The following HBS1L variants were observed in gnomAD, a reference collection of about 807,000 sequenced individuals.
The protein encoded by HBS1L is HBS1 like translational GTPase, also known as HBS1-like protein.
HBS1L carries 55 observed loss-of-function variants against 88.9 expected under a neutral mutation model. The observed-to-expected ratio is 0.62, with a 90% confidence interval of 0.50 to 0.77. The LOEUF (loss-of-function observed/expected upper bound fraction) is 0.77, where lower values mean the gene tolerates loss of function less well. Ranked by LOEUF, HBS1L falls within the 30% of genes least tolerant of loss-of-function variation. HBS1L has a pLI of 0.00. For synonymous variants in HBS1L, 267 were observed against 288.5 expected, an observed-to-expected ratio of 0.93 and a Z score of 0.76; for missense variants, 741 against 829.3, an observed-to-expected ratio of 0.89 and a Z score of 1.31.
At chr6:135,035,047 T>C (rs1022260544) in intron 4 of HBS1L, among the ~76,000 whole-genome samples, 1 of 152,218 alleles carries the variant, frequency 6.6e-6, no homozygotes, top group Non-Finnish European at 1.5e-5. Flanking sequence ...ACATAATTAT[T>C]CTACTGATTA....
At chr6:134,990,440 C>T (rs1382446271) in intron 8 of HBS1L, among the ~76,000 whole-genome samples, 2 of 152,204 alleles carry the variant, frequency 1.3e-5, no homozygotes, top group African/African-American at 4.8e-5. Context: ...TCCCCAAAGC[C>T]CACTGCAATA....
At chr6:134,989,214 T>A (rs1426922238) in intron 8 of HBS1L, among the ~76,000 whole-genome samples, 3 of 152,244 alleles carry the variant, frequency 2.0e-5, no homozygotes, top group Non-Finnish European at 4.4e-5. Flanking sequence ...TTCATTCTTA[T>A]CAATTATTTC....
At chr6:135,038,150 C>G in intron 4 of HBS1L, 1 of 712,238 alleles carries the variant, frequency 1.4e-6, no homozygotes, top group Non-Finnish European at 2.2e-6. Flanking sequence ...TTGATTATGA[C>G]ATGAATAAAG....
At chr6:135,016,336 T>C (rs1439648653) in intron 4 of HBS1L, among the ~76,000 whole-genome samples, 1 of 152,256 alleles carries the variant, frequency 6.6e-6, no homozygotes, top group South Asian at 2.1e-4. Flanking sequence ...TTTCAGAATG[T>C]CCTAATATAC....
intron 7 of HBS1L, among the ~76,000 whole-genome samples, chr6:134,995,365 T>C (rs1474357825): frequency 1.3e-5 from 2 of 152,072 alleles, no homozygotes; most frequent in Admixed American, 6.6e-5. Context: ...ACTCCCATCA[T>C]GTACCTGGAA....
At chr6:134,992,748 T>G (rs1775179726) in intron 8 of HBS1L, among the ~76,000 whole-genome samples, 1 of 152,190 alleles carries the variant, frequency 6.6e-6, no homozygotes, top group African/African-American at 2.4e-5. Flanking sequence ...TTTAAATGTT[T>G]ATAAAGTAAA....
At position 135,054,789 on chromosome 6, in the gene HBS1L, T is replaced by A; in HGVS notation, c.-98A>T. The stretch of plus-strand genomic sequence containing the variant: ...CCAACTGCAGCCTGGAGAACCCCTA[T>A]GCGCCATCTTGGCTTCCCGCAGGCC... On this transcript the variant is annotated 5_prime_UTR_variant, in exon 1 of 18. Coordinates refer to ENST00000367837, the MANE Select transcript of HBS1L (RefSeq NM_006620.4). The A allele has an allele frequency of 1.4e-6, 2 of 1,439,748 alleles. No homozygotes were observed. The highest frequency in any genetic ancestry group is 1.9e-6 in the Non-Finnish European group (2 of 1,041,182). 89.2% of individuals were successfully genotyped at this position (1,439,748 alleles called of 1,614,324 possible). A position where few individuals can be genotyped will look rare whatever the true frequency, so the allele number is the denominator to read the frequency against.
At chr6:135,039,537 T>C (rs1477839191) in intron 4 of HBS1L, 36 bp downstream of exon 4, 18 of 1,553,510 alleles carry the variant, frequency 1.2e-5, no homozygotes, top group African/African-American at 2.7e-5. Flanking sequence ...GCATTAACTA[T>C]GTAAAACAAG....
intron 4 of HBS1L, chr6:135,027,202 AAAAAAAAAAAAAAAGAAAAG>A (rs1046850857): frequency 1.4e-5 from 2 of 146,590 alleles, no homozygotes; most frequent in African/African-American, 5.3e-5. Flanking sequence ...AAAAAAAAAA[AAAAAAAAAAAAAAAGAAAAG>A]AAAAAATAGC....
intron 16 of HBS1L, among the ~76,000 whole-genome samples, chr6:134,968,768 CA>C (rs1256547341): frequency 2.9e-5 from 2 of 69,564 alleles, no homozygotes; most frequent in Non-Finnish European, 7.4e-5. Flanking sequence ...AAAAAAAAAA[CA>C]AACTTTCCAG....
intron 4 of HBS1L, among the ~76,000 whole-genome samples, chr6:135,020,500 A>G (rs1264341244): frequency 6.6e-6 from 1 of 152,042 alleles, no homozygotes; most frequent in Non-Finnish European, 1.5e-5. Flanking sequence ...AACAGGCCCA[A>G]GAAAAACTGC....
chr6:134,985,745 CCAAA>C (rs1397848153), intron 11 of HBS1L, among the ~76,000 whole-genome samples: 1 of 151,996 alleles, frequency 6.6e-6, no homozygotes, highest in Non-Finnish European at 1.5e-5. Context: ...ATTTCAGACC[CCAAA>C]CACTTTGGGT....
chr6:135,050,428 A>G (rs1198640081), intron 2 of HBS1L, among the ~76,000 whole-genome samples, 154 bp downstream of exon 2: 1 of 152,232 alleles, frequency 6.6e-6, no homozygotes, highest in African/African-American at 2.4e-5. Context: ...TCACAGGAAA[A>G]GAAATTATTT....
intron 4 of HBS1L, among the ~76,000 whole-genome samples, chr6:135,017,780 T>C (rs1775962882): frequency 6.6e-6 from 1 of 152,128 alleles, no homozygotes; most frequent in Admixed American, 6.5e-5. Context: ...TTTTTCCCTT[T>C]TATTACATTA....
chr6:134,990,943 C>A (rs142172654), intron 8 of HBS1L, among the ~76,000 whole-genome samples: 34 of 152,162 alleles, frequency 2.2e-4, no homozygotes, highest in African/African-American at 8.2e-4. Context: ...GTTTGTCTCG[C>A]CCATTAAACT....
intron 4 of HBS1L, among the ~76,000 whole-genome samples, chr6:135,017,717 A>T (rs1221666014): frequency 6.6e-6 from 1 of 152,046 alleles, no homozygotes; most frequent in African/African-American, 2.4e-5. Context: ...AAACTGAAAA[A>T]ATAAGGCAAA....
intron 13 of HBS1L, among the ~76,000 whole-genome samples, chr6:134,980,942 C>T (rs1774812193): frequency 1.3e-5 from 2 of 151,824 alleles, no homozygotes; most frequent in Admixed American, 6.6e-5. Flanking sequence ...GAGAACCTCT[C>T]TGTTGAGTTA....
rs764236071 is a variant in HBS1L at position 134,986,805 on chromosome 6, A to G, written c.1236T>C (p.Asn412=). The G allele has an allele frequency of 6.5e-6, 10 of 1,538,856 alleles. No individual in the cohort carries two copies. Among genetic ancestry groups the G allele is most frequent in the South Asian group, 1.3e-5 (1 of 78,756 alleles). The change falls in exon 10 of 18, where the codon AAT becomes AAC. Residue 412 remains asparagine (N), a synonymous_variant. Coordinates refer to ENST00000367837, the MANE Select transcript of HBS1L (RefSeq NM_006620.4). Reference sequence around the variant, plus strand: ...TCTCTTGAAACCTTTCTTGTTGCCAATTAACCTGATAAAGATCCAATTTAT... The same window carrying G: ...TCTCTTGAAACCTTTCTTGTTGCCAGTTAACCTGATAAAGATCCAATTTAT... ...AVAVNKMDQV[N]WQQERFQEIT...
chr6:135,035,972 T>G (rs1317306034), intron 4 of HBS1L: 1 of 625,002 alleles, frequency 1.6e-6, no homozygotes, highest in Non-Finnish European at 2.0e-6. Context: ...CATGGTCCCT[T>G]AAAAGATTTT....
Sources: allele counts gnomAD v4.1 joint callset (sites outside exome capture counted in the v4.1 genomes callset), GRCh38; gene constraint gnomAD v4.1.1; transcripts MANE v1.5; gene names NCBI Gene and HGNC (gene_info 2026-07-23, HGNC 2026-07-21).